ADAMTSL1: variants seen among roughly 807,000 people sequenced by gnomAD.
The protein encoded by ADAMTSL1 is ADAMTS like 1, also known as ADAMTS-like protein 1.
ADAMTSL1 carries 126 observed loss-of-function variants against 201.8 expected under a neutral mutation model. That is an observed-to-expected ratio of 0.62 (90% confidence interval 0.54 to 0.72). The LOEUF (loss-of-function observed/expected upper bound fraction) is 0.72. ADAMTSL1 is among the 30% of genes least tolerant of loss of function. The pLI is 0.00. For synonymous variants in ADAMTSL1, 1,121 were observed against 903.4 expected, an observed-to-expected ratio of 1.24 and a Z score of -4.32; for missense variants, 2,679 against 2,277.8, an observed-to-expected ratio of 1.18 and a Z score of -3.59.
At chr9:17,957,715 C>A (rs1827984488) in intron 1 of ADAMTSL1, among the ~76,000 whole-genome samples, 1 of 152,062 alleles carries the variant, frequency 6.6e-6, no homozygotes, top group Non-Finnish European at 1.5e-5. Context: ...TTAGAGCAGA[C>A]CCTAAATCTG....
chr9:18,758,383 A>G (rs1819887880), intron 16 of ADAMTSL1, among the ~76,000 whole-genome samples: 1 of 152,194 alleles, frequency 6.6e-6, no homozygotes, highest in Non-Finnish European at 1.5e-5. Flanking sequence ...GTAAAAAATT[A>G]CCACAAACTT....
intron 20 of ADAMTSL1, among the ~76,000 whole-genome samples, chr9:18,809,453 A>G (rs1823368167): frequency 6.6e-6 from 1 of 152,158 alleles, no homozygotes; most frequent in Non-Finnish European, 1.5e-5. Flanking sequence ...GGTAGGTGAT[A>G]TAGACCACTG....
At position 18,874,308 on chromosome 9, in the gene ADAMTSL1, G is replaced by A. The variant is rs770091820; in HGVS notation, c.4250-13523G>A. On this transcript the variant is annotated intron_variant, in intron 23 of 28. Coordinates refer to ENST00000380548, the MANE Select transcript of ADAMTSL1 (RefSeq NM_001040272.6). ...TTTCTTTTCTTTCTCTTGTCTGATT[G>A]CTCCGGCTAGGGCTTCCAGTACTAT... Among the ~76,000 whole-genome samples the A allele has an allele frequency of 5.3e-4, 81 of 152,180 alleles. 1 individual carries two copies. Among genetic ancestry groups the A allele is most frequent in the Non-Finnish European group, 5.7e-4 (39 of 68,006 alleles).
At chr9:17,928,756 G>A (rs961888753) in intron 1 of ADAMTSL1, among the ~76,000 whole-genome samples, 2 of 152,098 alleles carry the variant, frequency 1.3e-5, no homozygotes, top group Non-Finnish European at 2.9e-5. Flanking sequence ...ACAAGAACAA[G>A]CAAATAAATT....
At chr9:18,567,995 G>A (rs1265364595) in intron 3 of ADAMTSL1, among the ~76,000 whole-genome samples, 2 of 152,188 alleles carry the variant, frequency 1.3e-5, no homozygotes, top group East Asian at 3.9e-4. Flanking sequence ...ATAACAACAT[G>A]CTGTAATAAA....
rs968496886 is a variant in ADAMTSL1 at position 18,466,101 on chromosome 9, C to T, written c.208-38728C>T. 5.3e-5 allele frequency among the ~76,000 whole-genome samples: 8 copies of T among 152,224 alleles called. No individual in the cohort carries two copies. The East Asian group carries it at 5.8e-4, about 11-fold the overall frequency. ...TTCATTCTCTTAAAACACAGATGGA[C>T]GTTTAAGGAAGAAGTTTTTCCCCTT... On this transcript the variant is annotated intron_variant, in intron 2 of 29. Transcript: ENST00000680146.
chr9:18,314,772 C>T (rs116285473), intron 2 of ADAMTSL1, among the ~76,000 whole-genome samples: 2,841 of 132,314 alleles, frequency 0.021, 89 homozygotes, highest in African/African-American at 0.071. Flanking sequence ...CTGCTGCCTT[C>T]GGCAGCGTGC....
chr9:18,291,471 GC>G (rs1394479769), intron 2 of ADAMTSL1, among the ~76,000 whole-genome samples: 1 of 151,982 alleles, frequency 6.6e-6, no homozygotes, highest in Non-Finnish European at 1.5e-5. Context: ...AGCAAATGTG[GC>G]TCTTGTGCAC....
intron 1 of ADAMTSL1, among the ~76,000 whole-genome samples, chr9:17,940,712 CAAAAAAAA>C (rs60466124): frequency 1.1e-5 from 1 of 88,688 alleles, no homozygotes; most frequent in African/African-American, 4.4e-5. Flanking sequence ...GCATAACGTG[CAAAAAAAA>C]AAAAAAAGAA....
chr9:18,830,048 T>A lies in ADAMTSL1; in HGVS notation c.4249+71T>A, dbSNP rs529242234. On this transcript the variant is annotated intron_variant, in intron 23 of 28. Coordinates refer to ENST00000380548, the MANE Select transcript of ADAMTSL1 (RefSeq NM_001040272.6). ...CAGGATTTATGGATGGGTGACTGTT[T>A]GCAGGTGGGAAGGAGGCAGCAGTCG... 52 of 1,532,146 alleles carry A rather than the reference T, an allele frequency of 3.4e-5. No homozygotes were observed. The South Asian group carries it at 6.4e-4, about 19-fold the overall frequency. The allele number at this position is 1,532,146 out of a possible 1,614,324, so 94.9% of individuals were successfully genotyped here.
chr9:17,992,736 A>C (rs1461256377), intron 1 of ADAMTSL1, among the ~76,000 whole-genome samples: 1 of 152,202 alleles, frequency 6.6e-6, no homozygotes, highest in Non-Finnish European at 1.5e-5. Context: ...TCTAAAAAAC[A>C]GTACAAAACA....
intron 2 of ADAMTSL1, among the ~76,000 whole-genome samples, chr9:18,172,345 G>T (rs1827937184): frequency 6.6e-6 from 1 of 152,138 alleles, no homozygotes; most frequent in East Asian, 1.9e-4. Flanking sequence ...TGAATCATTA[G>T]AAGGACACAT....
intron 2 of ADAMTSL1, among the ~76,000 whole-genome samples, chr9:18,242,054 A>G (rs1831086736): frequency 6.6e-6 from 1 of 152,104 alleles, no homozygotes; most frequent in African/African-American, 2.4e-5. Context: ...CAAAGACATC[A>G]CAAGAAAAGA....
intron 1 of ADAMTSL1, among the ~76,000 whole-genome samples, chr9:18,476,202 C>T (rs958085672): frequency 6.6e-6 from 1 of 152,094 alleles, no homozygotes; most frequent in Non-Finnish European, 1.5e-5. Flanking sequence ...TAATAGCTGT[C>T]ATGTATTTTG....
chr9:17,919,985 T>C (rs183114810), intron 1 of ADAMTSL1, among the ~76,000 whole-genome samples: 1 of 152,280 alleles, frequency 6.6e-6, no homozygotes, highest in Non-Finnish European at 1.5e-5. Flanking sequence ...TATCACTTAT[T>C]AGTATCTGAC....
intron 15 of ADAMTSL1, among the ~76,000 whole-genome samples, chr9:18,749,481 C>T (rs1338346733): frequency 6.6e-6 from 1 of 152,072 alleles, no homozygotes; most frequent in African/African-American, 2.4e-5. Context: ...TAGACCAGAT[C>T]CCCTGTCCTC....
chr9:18,739,335 CATT>C (rs1818691275), intron 15 of ADAMTSL1, among the ~76,000 whole-genome samples: 1 of 152,212 alleles, frequency 6.6e-6, no homozygotes, highest in South Asian at 2.1e-4. Context: ...TGGTTCTTGA[CATT>C]ATGCTCACAT....
At chr9:18,611,816 C>T (rs572738006) in intron 4 of ADAMTSL1, among the ~76,000 whole-genome samples, 1 of 152,254 alleles carries the variant, frequency 6.6e-6, no homozygotes, top group East Asian at 1.9e-4. Context: ...CCTATGAAAC[C>T]ACGTCCTCCT....
chr9:18,761,128 G>C (rs1347664030), intron 16 of ADAMTSL1, among the ~76,000 whole-genome samples: 1 of 152,226 alleles, frequency 6.6e-6, no homozygotes, highest in Non-Finnish European at 1.5e-5. Context: ...GTTGTAAGCA[G>C]AGTGCAGAGT....
Sources: allele counts gnomAD v4.1 joint callset (sites outside exome capture counted in the v4.1 genomes callset), GRCh38; gene constraint gnomAD v4.1.1; transcripts MANE v1.5; gene names NCBI Gene and HGNC (gene_info 2026-07-23, HGNC 2026-07-21).